The following UGGT1 variants were observed in gnomAD, a reference collection of about 807,000 sequenced individuals.
UGGT1 encodes the protein UDP-glucose:glycoprotein glucosyltransferase 1.
Under a neutral mutation model 203.9 loss-of-function variants are expected in UGGT1, and 107 were observed. That is an observed-to-expected ratio of 0.52 (90% CI 0.45 to 0.62). UGGT1 has a LOEUF of 0.62. UGGT1 is among the 20% of genes least tolerant of loss of function. The pLI, the probability that UGGT1 is intolerant of heterozygous loss-of-function variation, is 0.00. For synonymous variants in UGGT1, 628 were observed against 653.5 expected (o/e 0.96, Z 0.59); for missense variants, 1,673 against 1,867.2 (o/e 0.90, Z 1.92).
At chr2:128,166,512 C>T (rs1690796442) in intron 26 of UGGT1, among the ~76,000 whole-genome samples, 1 of 152,168 alleles carries the variant, frequency 6.6e-6, no homozygotes, top group Non-Finnish European at 1.5e-5. Flanking sequence ...TTTGTAATGA[C>T]CTTCTACAAC....
At chr2:128,120,076 C>T (rs959880296) in intron 8 of UGGT1, among the ~76,000 whole-genome samples, 6 of 151,982 alleles carry the variant, frequency 3.9e-5, no homozygotes, top group Non-Finnish European at 7.4e-5. Flanking sequence ...CACACCTGGC[C>T]TGAAAAGTCT....
At chr2:128,181,166 A>T (rs145218844) in intron 36 of UGGT1, 94 bp downstream of exon 36, 1 of 1,217,332 alleles carries the variant, frequency 8.2e-7, no homozygotes, top group Non-Finnish European at 1.2e-6. Flanking sequence ...GGAAAAGGAC[A>T]TGCTTATTTT....
In UGGT1 at chr2:128,109,687, T is replaced by C. The variant is rs1231716135; in HGVS notation, c.462T>C (p.His154=). The change falls in exon 5 of 41, where the codon CAT becomes CAC. Residue 154 remains histidine, a synonymous_variant. Coordinates refer to ENST00000259253, the MANE Select transcript of UGGT1 (RefSeq NM_020120.4). ...GATGTAATTCGTTTTTTTCAGTGCA[T>C]GGAAAGAAGACTTGTGAATCTGATA... ...PEGCNSFFSV[H]GKKTCESDTL... is the part of the protein sequence containing the mutation. The C allele has an allele frequency of 1.2e-6, 2 of 1,614,170 alleles. No individual in the cohort carries two copies. Among genetic ancestry groups the C allele is most frequent in the Non-Finnish European group, 1.7e-6 (2 of 1,180,010 alleles).
chr2:128,167,717 A>G (rs1038973688), intron 26 of UGGT1, among the ~76,000 whole-genome samples: 3 of 152,354 alleles, frequency 2.0e-5, no homozygotes, highest in Middle Eastern at 3.4e-3. Flanking sequence ...TCTCTGCACA[A>G]TATAGTGAAT....
chr2:128,123,020 C>T (rs1344870603), intron 10 of UGGT1, among the ~76,000 whole-genome samples, 166 bp from the exon 11 acceptor site: 1 of 152,150 alleles, frequency 6.6e-6, no homozygotes, highest in Non-Finnish European at 1.5e-5. Context: ...AAAATATACA[C>T]ATCTGAGAAA....
intron 38 of UGGT1, among the ~76,000 whole-genome samples, chr2:128,184,949 C>T (rs1691897401): frequency 6.6e-6 from 1 of 151,396 alleles, no homozygotes; most frequent in African/African-American, 2.4e-5. Context: ...CCCAAAGTGC[C>T]GGGATTACAA....
chr2:128,180,269 A>G (rs1159819209), intron 35 of UGGT1, among the ~76,000 whole-genome samples: 1 of 152,272 alleles, frequency 6.6e-6, no homozygotes. Flanking sequence ...GTGCAAAACA[A>G]AACACGTACT....
rs1692045674 is a variant in UGGT1 at position 128,187,560 on chromosome 2, G to C, written c.4588G>C (p.Glu1530Gln). The change falls in exon 40 of 41, where the codon GAG becomes CAG. Residue 1530 changes from glutamate to glutamine, a missense_variant. Physicochemically the swap from Glu to Gln is conservative, Grantham distance 29. Around this residue, in one of 4 missense-constraint regions of UGGT1, gnomAD observed 513 missense variants for 684.1 expected, o/e 0.75. Transcript: ENST00000259253. ...IKQLQIRFQK[E>Q]KETGALYKEK... ...ACAGCTACAGATCCGCTTTCAGAAG[G>C]AGAAAGAAACGGGAGCACTGTACAA... The C allele has an allele frequency of 6.2e-7, 1 of 1,614,128 alleles. No individual in the cohort carries two copies. Among genetic ancestry groups the C allele is most frequent in the African/African-American group, 1.3e-5 (1 of 75,046 alleles).
At chr2:128,130,209 T>C (rs1688808251) in intron 13 of UGGT1, among the ~76,000 whole-genome samples, 1 of 144,424 alleles carries the variant, frequency 6.9e-6, no homozygotes, top group Non-Finnish European at 1.5e-5. Context: ...TACAGGTAGC[T>C]GAGATCACGC....
intron 19 of UGGT1, among the ~76,000 whole-genome samples, chr2:128,153,773 G>A (rs1470900469): frequency 6.6e-6 from 1 of 152,112 alleles, no homozygotes; most frequent in African/African-American, 2.4e-5. Context: ...TACCTTATAA[G>A]AGCCAAATAT....
In UGGT1 at chr2:128,187,504, C is replaced by T. The variant is rs779935269; in HGVS notation, c.4532C>T (p.Pro1511Leu). 5.6e-6 allele frequency: 9 copies of T among 1,613,920 alleles called. 1 individual carries two copies. The highest frequency in any genetic ancestry group is 1.6e-4 in the Middle Eastern group (1 of 6,080). Residue 1511 changes from proline to leucine, a missense_variant, in exon 40 of 41, where the codon CCG (proline) becomes CTG (leucine). By Grantham distance (98) the Pro-to-Leu change is moderately conservative. Around this residue, in one of 4 missense-constraint regions of UGGT1, gnomAD observed 513 missense variants for 684.1 expected, o/e 0.75. Coordinates refer to ENST00000259253, the MANE Select transcript of UGGT1 (RefSeq NM_020120.4). Reference sequence around the variant, plus strand: ...CTGGAAGCAGCTGTGCGGATTGTCCCGGAGTGGCAGGACTACGACCAAGAG... The same window carrying T: ...CTGGAAGCAGCTGTGCGGATTGTCCTGGAGTGGCAGGACTACGACCAAGAG... ...PKLEAAVRIVPEWQDYDQEIK... is the reference protein window; with the variant it reads ...PKLEAAVRIVLEWQDYDQEIK...
chr2:128,128,163 A>C (rs1256021797), intron 12 of UGGT1, among the ~76,000 whole-genome samples: 2 of 152,158 alleles, frequency 1.3e-5, no homozygotes, highest in Non-Finnish European at 2.9e-5. Flanking sequence ...TTTTGGTAAA[A>C]TGTGGTTCAG....
In UGGT1 at chr2:128,193,309, TGGTGC is replaced by T. The variant is rs1415210665; in HGVS notation, c.*3569_*3573del. On this transcript the variant is annotated 3_prime_UTR_variant, in exon 41 of 41. Transcript: ENST00000259253. ...TTCTGTCACCCAGGCTGGAGTGCAG[TGGTGC>T]GATCTTGGCTCACTTCAACCTCTGC... 1 of 148,200 alleles carries T rather than the reference TGGTGC, an allele frequency of 6.7e-6. No individual in the cohort carries two copies. Among genetic ancestry groups the T allele is most frequent in the East Asian group, 2.1e-4 (1 of 4,838 alleles). 9.2% of individuals were successfully genotyped at this position (148,200 alleles called of 1,614,324 possible).
chr2:128,092,057 T>C (rs1686890545), intron 1 of UGGT1, among the ~76,000 whole-genome samples: 1 of 152,210 alleles, frequency 6.6e-6, no homozygotes, highest in Non-Finnish European at 1.5e-5. Context: ...CTGGGGTCTT[T>C]TGCCTTATTG....
intron 1 of UGGT1, among the ~76,000 whole-genome samples, chr2:128,093,412 C>T (rs775614117): frequency 2.6e-5 from 4 of 152,126 alleles, no homozygotes; most frequent in African/African-American, 4.8e-5. Context: ...TAATGCTAGG[C>T]GTGGAGACCA....
chr2:128,115,636 A>T (rs1392569230), intron 7 of UGGT1, among the ~76,000 whole-genome samples: 1 of 152,186 alleles, frequency 6.6e-6, no homozygotes, highest in African/African-American at 2.4e-5. Flanking sequence ...GTGAAATCTT[A>T]AAGTATCCTA....
chr2:128,133,093 C>G, intron 13 of UGGT1, 48 bp from the exon 14 acceptor site: 1 of 1,595,186 alleles, frequency 6.3e-7, no homozygotes, highest in Non-Finnish European at 8.6e-7. Context: ...GCAGGTTTTA[C>G]TAACTGGTTC....
chr2:128,169,048 T>TG (rs1690948451), intron 26 of UGGT1, among the ~76,000 whole-genome samples: 1 of 52,564 alleles, frequency 1.9e-5, no homozygotes, highest in Non-Finnish European at 3.2e-5. Context: ...ACTCTGTCTT[T>TG]AAAAAAAAAA....
intron 16 of UGGT1, among the ~76,000 whole-genome samples, chr2:128,142,506 A>T (rs1324808633): frequency 1.3e-5 from 2 of 149,602 alleles, no homozygotes; most frequent in East Asian, 4.0e-4. Context: ...AAGCGCTTGA[A>T]CCTGGGAGGT....
Sources: gnomAD v4.1 joint callset for allele counts (sites outside exome capture counted in the v4.1 genomes callset) on GRCh38, gnomAD v4.1.1 for gene constraint, gnomAD v4.1.1 regional missense constraint, MANE v1.5 for transcripts, NCBI Gene and HGNC (gene_info 2026-07-23, HGNC 2026-07-21) for gene names.